Variants in TBC1D4 observed in about 807,000 individuals in gnomAD.
The protein encoded by TBC1D4 is TBC (Tre-2, BUB2, CDC16) domain-containing protein.
Under a neutral mutation model 142.5 loss-of-function variants are expected in TBC1D4, and 121 were observed. The observed-to-expected ratio is 0.85, with a 90% CI of 0.73 to 0.99. The LOEUF (loss-of-function observed/expected upper bound fraction) is 0.99. Among genes scored for constraint, TBC1D4 ranks in the 50% least tolerant of loss-of-function variants. The pLI is 0.00. For synonymous variants in TBC1D4, 630 were observed against 628.2 expected, an observed-to-expected ratio of 1.00 and a Z score of -0.04; for missense variants, 1,475 against 1,606.6, an observed-to-expected ratio of 0.92 and a Z score of 1.40.
chr13:75,468,845 C>A (rs1423825278), intron 1 of TBC1D4, among the ~76,000 whole-genome samples: 1 of 152,244 alleles, frequency 6.6e-6, no homozygotes, highest in African/African-American at 2.4e-5. Context: ...ACCCATACTA[C>A]AGAACTAGGT....
Position 75,481,731 on chromosome 13 carries a change from G to A in TBC1D4, c.37C>T (p.Pro13Ser), listed in dbSNP as rs201749812. 1.2e-4 allele frequency: 197 copies of A among 1,595,366 alleles called. No individual in the cohort carries two copies. The East Asian group carries it at 4.3e-3, about 35-fold the overall frequency. The stretch of plus-strand genomic sequence containing the variant: ...CCCGGCTCGGGCTCCAGGGGGTGCG[G>A]GAACGGCTCATCCTGAATGCAGCTG... ...PPSCIQDEPF[P>S]HPLEPEPGVS... The change falls in exon 1 of 21, where the codon CCG (proline) becomes TCG (serine). Residue 13 changes from proline (P) to serine (S), a missense_variant. Transcript: ENST00000377636.
At chr13:75,354,683 G>A (rs190741082) in intron 4 of TBC1D4, among the ~76,000 whole-genome samples, 15 of 152,198 alleles carry the variant, frequency 9.9e-5, no homozygotes, top group Admixed American at 3.3e-4. Flanking sequence ...AGGTGTGGGC[G>A]TGTAGGGGAT....
chr13:75,304,818 G>A (rs1387976233), intron 15 of TBC1D4, among the ~76,000 whole-genome samples: 1 of 152,158 alleles, frequency 6.6e-6, no homozygotes, highest in Non-Finnish European at 1.5e-5. Flanking sequence ...GGAGAATAGG[G>A]AGGGCTGGAA....
chr13:75,363,812 C>T (rs547643628), intron 1 of TBC1D4, among the ~76,000 whole-genome samples: 29 of 152,338 alleles, frequency 1.9e-4, no homozygotes, highest in Middle Eastern at 3.4e-3. Flanking sequence ...ACAATCCAAA[C>T]GTCCATCAGC....
chr13:75,475,080 CAAT>C (rs1888581343), intron 1 of TBC1D4, among the ~76,000 whole-genome samples: 7 of 152,160 alleles, frequency 4.6e-5, no homozygotes, highest in Admixed American at 4.6e-4. Context: ...AGGAAGAGCT[CAAT>C]AAACGTTCAC....
intron 1 of TBC1D4, among the ~76,000 whole-genome samples, chr13:75,425,607 A>G (rs1219772557): frequency 6.6e-6 from 1 of 152,232 alleles, no homozygotes; most frequent in Non-Finnish European, 1.5e-5. Flanking sequence ...AAACTGTGGT[A>G]TACATACACA....
intron 11 of TBC1D4, among the ~76,000 whole-genome samples, chr13:75,323,819 A>T (rs948567452): frequency 1.3e-5 from 2 of 152,172 alleles, no homozygotes; most frequent in Admixed American, 6.5e-5. Context: ...TATTGTATCT[A>T]TCAGTTTAGT....
Position 75,310,010 on chromosome 13 carries a change from A to C in TBC1D4, c.2525T>G (p.Leu842Trp). ...TTGTTGGTGTATAGCTTTTCTCCAC[A>C]AGCTCCTCAGTTCTTTTGATTTCTT... is the stretch of plus-strand genomic sequence containing the variant. ...ERKKSKELRSLWRKAIHQQIL... is the reference protein window; with the variant it reads ...ERKKSKELRSWWRKAIHQQIL... The change falls in exon 14 of 21, where the codon TTG becomes TGG. Residue 842 changes from leucine to tryptophan, a missense_variant. Around this residue, in one of 2 missense-constraint regions of TBC1D4, gnomAD observed 1,227 missense variants for 1,267.7 expected, o/e 0.97. Coordinates refer to ENST00000377636, the MANE Select transcript of TBC1D4 (RefSeq NM_014832.5). 2 of 1,614,140 alleles carry C rather than the reference A, an allele frequency of 1.2e-6. No individual in the cohort carries two copies. Among genetic ancestry groups the C allele is most frequent in the Non-Finnish European group, 1.7e-6 (2 of 1,179,998 alleles).
At chr13:75,306,038 T>C (rs1877150369) in intron 15 of TBC1D4, among the ~76,000 whole-genome samples, 1 of 152,198 alleles carries the variant, frequency 6.6e-6, no homozygotes, top group Admixed American at 6.5e-5. Flanking sequence ...AAGACTGAAT[T>C]ATTAATATTT....
At chr13:75,462,514 C>T (rs577699130) in intron 1 of TBC1D4, among the ~76,000 whole-genome samples, 4 of 148,230 alleles carry the variant, frequency 2.7e-5, no homozygotes, top group African/African-American at 7.5e-5. Flanking sequence ...ACTCACAAAC[C>T]TCTGAGGGTG....
At chr13:75,393,600 G>A (rs1439761914) in intron 1 of TBC1D4, among the ~76,000 whole-genome samples, 1 of 152,082 alleles carries the variant, frequency 6.6e-6, no homozygotes, top group African/African-American at 2.4e-5. Context: ...GAAATTTGTA[G>A]GTTCCACATT....
intron 1 of TBC1D4, 70 bp downstream of exon 1, chr13:75,481,200 G>GGTCC: frequency 1.6e-6 from 1 of 633,012 alleles, no homozygotes; most frequent in Non-Finnish European, 2.6e-6. Context: ...TGGGGTCCCC[G>GGTCC]CCCCTCCCGC....
At position 75,333,200 on chromosome 13, in the gene TBC1D4, C is replaced by T. The variant is rs184317374; in HGVS notation, c.1731+3721G>A. Among the ~76,000 whole-genome samples the T allele has an allele frequency of 3.1e-4, 47 of 152,256 alleles. 1 individual carries two copies. Among genetic ancestry groups the T allele is most frequent in the Admixed American group, 1.8e-3 (28 of 15,294 alleles). On this transcript the variant is annotated intron_variant, in intron 8 of 20. Coordinates refer to ENST00000377636, the MANE Select transcript of TBC1D4 (RefSeq NM_014832.5). ...TAAAGGCCAAGAGACTTTAAAAAGTCATCAAGGGTACCTTTTGAAACTTTG... is the reference window on the plus strand; with the variant it reads ...TAAAGGCCAAGAGACTTTAAAAAGTTATCAAGGGTACCTTTTGAAACTTTG...
At chr13:75,360,519 G>C (rs1193110216) in intron 2 of TBC1D4, among the ~76,000 whole-genome samples, 3 of 50,334 alleles carry the variant, frequency 6.0e-5, no homozygotes, top group African/African-American at 1.3e-4. Flanking sequence ...CTGGATGACA[G>C]AGCGAGACCC....
Position 75,366,252 on chromosome 13 carries a change from G to A in TBC1D4, c.499-3645C>T, listed in dbSNP as rs61960763. 7.8e-3 allele frequency among the ~76,000 whole-genome samples: 1,190 copies of A among 152,256 alleles called. 7 individuals carry two copies. The highest frequency in any genetic ancestry group is 0.012 in the Non-Finnish European group (821 of 68,006). Reference sequence around the variant, plus strand: ...GGCTCAACCAAACTAGGGACTGACAGGTTTATATTCTATCCCCAATATTTT... The same window carrying A: ...GGCTCAACCAAACTAGGGACTGACAAGTTTATATTCTATCCCCAATATTTT... On this transcript the variant is annotated intron_variant, in intron 1 of 20. Transcript: ENST00000377636.
intron 1 of TBC1D4, among the ~76,000 whole-genome samples, chr13:75,387,006 C>T (rs980525245): frequency 3.3e-5 from 5 of 151,992 alleles, no homozygotes; most frequent in African/African-American, 1.2e-4. Context: ...TAAGGGCTTT[C>T]GTGTGTATGG....
chr13:75,399,147 T>C (rs1379471192), intron 1 of TBC1D4, among the ~76,000 whole-genome samples: 1 of 151,910 alleles, frequency 6.6e-6, no homozygotes, highest in Non-Finnish European at 1.5e-5. Context: ...CAAGAATAAA[T>C]GAAATAAGAT....
At chr13:75,475,093 CTT>C (rs1888582110) in intron 1 of TBC1D4, among the ~76,000 whole-genome samples, 1 of 152,196 alleles carries the variant, frequency 6.6e-6, no homozygotes, top group Non-Finnish European at 1.5e-5. Flanking sequence ...TAAACGTTCA[CTT>C]TTAAGGAAAT....
intron 1 of TBC1D4, among the ~76,000 whole-genome samples, chr13:75,407,423 A>C (rs1157794429): frequency 6.6e-6 from 1 of 152,234 alleles, no homozygotes; most frequent in Non-Finnish European, 1.5e-5. Context: ...ACAGCAATGG[A>C]AGCAAAATTG....
Sources: allele counts gnomAD v4.1 joint callset (sites outside exome capture counted in the v4.1 genomes callset), GRCh38; gene constraint gnomAD v4.1.1; regional missense constraint gnomAD v4.1.1; transcripts MANE v1.5; gene names NCBI Gene and HGNC (gene_info 2026-07-23, HGNC 2026-07-21).